DGKG: variants seen among roughly 807,000 people sequenced by gnomAD.
The protein encoded by DGKG is DAG kinase gamma.
Under a neutral mutation model 105.3 loss-of-function variants are expected in DGKG, and 78 were observed. The ratio of observed to expected loss-of-function variants is 0.74; its 90% CI spans 0.62 to 0.89. DGKG has a LOEUF of 0.89. Ranked by LOEUF, DGKG falls within the 40% of genes least tolerant of loss-of-function variation. The pLI, the probability that DGKG is intolerant of heterozygous loss-of-function variation, is 0.00. For missense variants in DGKG, 958 were observed against 1,020.1 expected (o/e 0.94, Z 0.83); for synonymous variants, 346 against 367.1 (o/e 0.94, Z 0.66).
At chr3:186,255,856 A>G (rs1721442299) in intron 17 of DGKG, among the ~76,000 whole-genome samples, 1 of 152,142 alleles carries the variant, frequency 6.6e-6, no homozygotes, top group Non-Finnish European at 1.5e-5. Context: ...AATGAGAGTG[A>G]ACGGATGAAT....
At chr3:186,255,307 G>C (rs556550400) in intron 17 of DGKG, among the ~76,000 whole-genome samples, 1 of 152,358 alleles carries the variant, frequency 6.6e-6, no homozygotes, top group Non-Finnish European at 1.5e-5. Context: ...CTTACCGACT[G>C]TCCAGTGGGA....
chr3:186,242,681 C>T (rs1720747266), intron 19 of DGKG, 113 bp from the exon 20 acceptor site: 3 of 844,484 alleles, frequency 3.6e-6, no homozygotes, highest in Non-Finnish European at 5.4e-6. Context: ...GGGACTCTAT[C>T]TATCGCATGG....
Position 186,210,350 on chromosome 3 carries a change from C to T in DGKG, c.1917+1445G>A, listed in dbSNP as rs1246162924. On this transcript the variant is annotated intron_variant, in intron 21 of 24. Coordinates refer to ENST00000265022, the MANE Select transcript of DGKG (RefSeq NM_001346.3). This position sits in a 1 kb window ranked among gnomAD's most constrained non-coding sequence, Gnocchi z 5.2. ...ACTCGGTTCCCCTGCCAAGGCCTCTCCTCCTTCCTCAGCTCCCAGCACTGC... is the reference window on the plus strand; with the variant it reads ...ACTCGGTTCCCCTGCCAAGGCCTCTTCTCCTTCCTCAGCTCCCAGCACTGC... 6.6e-6 allele frequency among the ~76,000 whole-genome samples: 1 copy of T among 152,236 alleles called. No homozygotes were observed. Among genetic ancestry groups the T allele is most frequent in the Non-Finnish European group, 1.5e-5 (1 of 68,042 alleles).
Position 186,320,418 on chromosome 3 carries a change from A to G in DGKG, c.42T>C (p.Phe14=). 1 of 1,614,220 alleles carries G rather than the reference A, an allele frequency of 6.2e-7. No homozygotes were observed. Among genetic ancestry groups the G allele is most frequent in the Non-Finnish European group, 8.5e-7 (1 of 1,180,040 alleles). ...ATTCTGAATATTTCTGGAGTTGGTC[A>G]AATTCTTCTGGAGTGAGGGAGACCC... ...ERWVSLTPEE[F]DQLQKYSEYS... is the part of the protein sequence containing the mutation. The change falls in exon 2 of 25, where the codon TTT becomes TTC. Residue 14 remains phenylalanine, a synonymous_variant. Coordinates refer to ENST00000265022, the MANE Select transcript of DGKG (RefSeq NM_001346.3).
In DGKG at chr3:186,278,131, G is replaced by A. The variant is rs577932652; in HGVS notation, c.792+1720C>T. 1.2e-4 allele frequency among the ~76,000 whole-genome samples: 19 copies of A among 152,220 alleles called. No homozygotes were observed. In the East Asian group the frequency reaches 3.5e-3, roughly 28 times the overall value. On this transcript the variant is annotated intron_variant, in intron 9 of 24. Transcript: ENST00000265022. The stretch of plus-strand genomic sequence containing the variant: ...AAGTAGATGGGCTCTCCTTCCTCCT[G>A]CCACAAGACAGCGGGTCTTTTCCAT...
intron 20 of DGKG, among the ~76,000 whole-genome samples, chr3:186,219,978 G>A (rs766453812): frequency 3.9e-5 from 6 of 152,182 alleles, no homozygotes; most frequent in Non-Finnish European, 5.9e-5. Context: ...AAGTGTAAAT[G>A]GAGTCCAGGA....
intron 20 of DGKG, among the ~76,000 whole-genome samples, chr3:186,236,839 C>T (rs930377151): frequency 1.3e-5 from 2 of 152,352 alleles, no homozygotes; most frequent in Non-Finnish European, 1.5e-5. Context: ...TGCTGAGAGA[C>T]GCGGTCAAGT....
At chr3:186,295,150 G>A (rs937337278) in intron 5 of DGKG, among the ~76,000 whole-genome samples, 1 of 152,136 alleles carries the variant, frequency 6.6e-6, no homozygotes, top group Non-Finnish European at 1.5e-5. Context: ...GGTCCCTGTT[G>A]CAATTAGTTC....
intron 3 of DGKG, among the ~76,000 whole-genome samples, chr3:186,301,520 G>A (rs1052526381): frequency 2.0e-4 from 30 of 152,194 alleles, no homozygotes; most frequent in African/African-American, 5.1e-4. Context: ...CCAGCTACTC[G>A]GGAGGCTGAG....
At chr3:186,354,804 C>T (rs2108677192) in intron 1 of DGKG, among the ~76,000 whole-genome samples, 1 of 152,188 alleles carries the variant, frequency 6.6e-6, no homozygotes, top group Middle Eastern at 3.4e-3. Flanking sequence ...GGAGTTATGC[C>T]CTGGAGAAGG....
intron 22 of DGKG, among the ~76,000 whole-genome samples, chr3:186,174,652 CTGTGTGTGTGTGTGTGTGTGTG>C (rs67342971): frequency 8.9e-5 from 13 of 145,832 alleles, no homozygotes; most frequent in Non-Finnish European, 1.5e-4. Context: ...TTCCCTGCGG[CTGTGTGTGTGTGTGTGTGTGTG>C]TGTGTGTGTG....
At chr3:186,259,972 G>T (rs1020286420) in intron 16 of DGKG, among the ~76,000 whole-genome samples, 3 of 152,178 alleles carry the variant, frequency 2.0e-5, no homozygotes, top group South Asian at 2.1e-4. Flanking sequence ...ACAAGTAATT[G>T]TCTTGATCCT....
chr3:186,267,657 C>T (rs770241026), intron 13 of DGKG, 28 bp downstream of exon 13: 4 of 1,587,078 alleles, frequency 2.5e-6, no homozygotes, highest in Admixed American at 1.7e-5. Flanking sequence ...GGAGAAGCTA[C>T]AGCCCTCGCC....
At chr3:186,155,653 CA>C (rs1370605187) in intron 24 of DGKG, among the ~76,000 whole-genome samples, 1 of 152,122 alleles carries the variant, frequency 6.6e-6, no homozygotes, top group Non-Finnish European at 1.5e-5. Context: ...AGTATATGAA[CA>C]ATTTTTAAAA....
At chr3:186,347,830 A>G (rs1030153721) in intron 1 of DGKG, among the ~76,000 whole-genome samples, 9 of 151,956 alleles carry the variant, frequency 5.9e-5, no homozygotes, top group Admixed American at 4.6e-4. Context: ...TGATCCACCC[A>G]CCTTGGCCTC....
chr3:186,210,679 C>T lies in DGKG; in HGVS notation c.1917+1116G>A, dbSNP rs1373828086. 4 of 450,310 alleles carry T rather than the reference C, an allele frequency of 8.9e-6. No homozygotes were observed. The highest frequency in any genetic ancestry group is 1.3e-5 in the Non-Finnish European group (3 of 224,862). 27.9% of individuals were successfully genotyped at this position (450,310 alleles called of 1,614,324 possible). On this transcript the variant is annotated intron_variant, in intron 21 of 24. Coordinates refer to ENST00000265022, the MANE Select transcript of DGKG (RefSeq NM_001346.3). This position sits in a 1 kb window ranked among gnomAD's most constrained non-coding sequence, Gnocchi z 5.2. ...AGGGGCAGGGCTTTCCTACACCACT[C>T]CAGGCCACAGGTGCCTCCTCCAGGG...
chr3:186,251,609 G>C, intron 19 of DGKG, 150 bp downstream of exon 19: 1 of 785,988 alleles, frequency 1.3e-6, no homozygotes, highest in Non-Finnish European at 2.0e-6. Flanking sequence ...TCCACACTCA[G>C]GCCAAGTTTC....
intron 24 of DGKG, among the ~76,000 whole-genome samples, chr3:186,153,784 G>A (rs1405557071): frequency 6.6e-6 from 1 of 152,196 alleles, no homozygotes; most frequent in Admixed American, 6.5e-5. Flanking sequence ...ATAACCTGAA[G>A]TGTGAACCCT....
chr3:186,228,909 A>G (rs1914241), intron 20 of DGKG, among the ~76,000 whole-genome samples: 146,406 of 152,270 alleles, frequency 0.96, 70,664 homozygotes, highest in East Asian at 1. Context: ...ATGATATGCT[A>G]AAGTCCTCAC....
Sources: allele counts gnomAD v4.1 joint callset (sites outside exome capture counted in the v4.1 genomes callset), GRCh38; gene constraint gnomAD v4.1.1; non-coding constraint Gnocchi (gnomAD v3.1); transcripts MANE v1.5; gene names NCBI Gene and HGNC (gene_info 2026-07-23, HGNC 2026-07-21).